The following NF1 variants were observed in gnomAD, a reference collection of about 807,000 sequenced individuals.
NF1 encodes neurofibromin.
NF1 carries 122 observed loss-of-function variants against 325.7 expected under a neutral mutation model. The ratio of observed to expected loss-of-function variants is 0.37; its 90% CI spans 0.32 to 0.44. The LOEUF is 0.44. Ranked by LOEUF, NF1 falls within the 20% of genes least tolerant of loss-of-function variation. NF1 has a pLI of 1.00. For synonymous variants in NF1, 1,091 were observed against 1,186.0 expected (o/e 0.92, Z 1.65); for missense variants, 2,140 against 3,415.4 (o/e 0.63, Z 9.31).
intron 5 of NF1, among the ~76,000 whole-genome samples, chr17:31,176,443 C>T (rs938238967): frequency 2.0e-5 from 3 of 152,126 alleles, no homozygotes; most frequent in Non-Finnish European, 2.9e-5. Context: ...AAAATTTTCT[C>T]CCATTCTGTA....
At chr17:31,244,782 A>G in intron 29 of NF1, among the ~76,000 whole-genome samples, 1 of 152,120 alleles carries the variant, frequency 6.6e-6, no homozygotes, top group Non-Finnish European at 1.5e-5. Flanking sequence ...TATTGTGATC[A>G]CTTACCTGAT....
chr17:31,304,206 TA>T (rs1205313195), intron 36 of NF1: 4 of 1,484,352 alleles, frequency 2.7e-6, no homozygotes, highest in Non-Finnish European at 3.6e-6. Flanking sequence ...TGTTAACATA[TA>T]AAGAAAAAAG....
At chr17:31,334,300 A>G (rs2069584569) in intron 39 of NF1, among the ~76,000 whole-genome samples, 1 of 152,174 alleles carries the variant, frequency 6.6e-6, no homozygotes, top group South Asian at 2.1e-4. Context: ...CATCTCAAAA[A>G]AAAAAAAAAT....
rs2067660684 is a variant in NF1 at position 31,260,299 on chromosome 17, T to A, written c.4431-70T>A. ...AGTTACTTCACAAAGTTACTTCTTA[T>A]AAATTTAATTCAAACATAAGTCTGG... is the stretch of plus-strand genomic sequence containing the variant. On this transcript the variant is annotated intron_variant, in intron 33 of 57. Coordinates refer to ENST00000358273, the MANE Select transcript of NF1 (RefSeq NM_001042492.3). The A allele has an allele frequency of 3.3e-6, 5 of 1,501,060 alleles. No individual in the cohort carries two copies. The Admixed American group carries it at 6.7e-5, about 20-fold the overall frequency. 93.0% of individuals were successfully genotyped at this position (1,501,060 alleles called of 1,614,324 possible).
chr17:31,159,213 T>C (rs2065720931), intron 3 of NF1, 120 bp downstream of exon 3: 4 of 722,010 alleles, frequency 5.5e-6, no homozygotes, highest in Middle Eastern at 2.4e-4. Flanking sequence ...CTGAGACATA[T>C]AAATATGAGT....
intron 1 of NF1, among the ~76,000 whole-genome samples, chr17:31,097,658 T>C (rs1393214430): frequency 4.6e-5 from 7 of 152,112 alleles, no homozygotes; most frequent in African/African-American, 1.7e-4. Context: ...CTGCATTCCT[T>C]ATGTTGTAAT....
At chr17:31,319,985 G>A (rs2854305) in intron 36 of NF1, among the ~76,000 whole-genome samples, 76,066 of 151,832 alleles carry the variant, frequency 0.5, 20,824 homozygotes, top group Non-Finnish European at 0.62. Flanking sequence ...TTGAATTTCC[G>A]CTTTGGCCCT....
chr17:31,318,579 A>G, intron 36 of NF1: 1 of 1,614,076 alleles, frequency 6.2e-7, no homozygotes, highest in Non-Finnish European at 8.5e-7. Flanking sequence ...AGATAAGAAA[A>G]AGCACTGCAA....
At chr17:31,239,276 A>G (rs1361784647) in intron 29 of NF1, among the ~76,000 whole-genome samples, 2 of 152,248 alleles carry the variant, frequency 1.3e-5, no homozygotes, top group Non-Finnish European at 2.9e-5. Flanking sequence ...AAAAAGCTGT[A>G]ACAGGGAGAA....
intron 36 of NF1, among the ~76,000 whole-genome samples, chr17:31,287,508 A>C (rs1302559785): frequency 6.6e-6 from 1 of 150,744 alleles, no homozygotes; most frequent in Non-Finnish European, 1.5e-5. Context: ...GTGCGTATGT[A>C]TGTTTAATTT....
intron 36 of NF1, among the ~76,000 whole-genome samples, chr17:31,275,220 A>G (rs1175763930): frequency 6.6e-6 from 1 of 152,194 alleles, no homozygotes; most frequent in East Asian, 1.9e-4. Flanking sequence ...TTCACTTTCC[A>G]TAGTTTCAGT....
intron 36 of NF1, chr17:31,304,863 G>T: frequency 6.2e-7 from 1 of 1,613,726 alleles, no homozygotes; most frequent in Non-Finnish European, 8.5e-7. Context: ...AAATGTCAGG[G>T]GTTTCTCCAT....
intron 29 of NF1, among the ~76,000 whole-genome samples, chr17:31,242,578 G>A (rs1251035659): frequency 2.0e-5 from 3 of 151,996 alleles, no homozygotes; most frequent in Non-Finnish European, 4.4e-5. Context: ...AGAGACTCTT[G>A]ATGCATATTT....
In NF1 at chr17:31,327,519, A is replaced by G. The variant is rs199703296; in HGVS notation, c.5289A>G (p.Gln1763=). Reference sequence around the variant, plus strand: ...TCCAGGTTGGTTCTACTGCTGTCCAAGTAACTTCAGCAGAGCGAACAAAAG... The same window carrying G: ...TCCAGGTTGGTTCTACTGCTGTCCAGGTAACTTCAGCAGAGCGAACAAAAG... The part of the protein sequence containing the change: ...VSIKVGSTAV[Q]VTSAERTKVL... Residue 1763 remains glutamine, a synonymous_variant, in exon 38 of 58, where the codon CAA becomes CAG. Coordinates refer to ENST00000358273, the MANE Select transcript of NF1 (RefSeq NM_001042492.3). 15 of 1,613,748 alleles carry G rather than the reference A, an allele frequency of 9.3e-6. No homozygotes were observed. Among genetic ancestry groups the G allele is most frequent in the East Asian group, 4.5e-5 (2 of 44,878 alleles).
At chr17:31,299,301 G>T (rs1389250064) in intron 36 of NF1, among the ~76,000 whole-genome samples, 1 of 129,656 alleles carries the variant, frequency 7.7e-6, no homozygotes, top group African/African-American at 3.4e-5. Context: ...ATAAATAAAA[G>T]AAATTCTCAT....
chr17:31,355,768 T>G (rs1164706720), intron 51 of NF1: 2 of 152,414 alleles, frequency 1.3e-5, no homozygotes, highest in Non-Finnish European at 1.5e-5. Context: ...GAGGATCACC[T>G]GAGCCCAGGA....
chr17:31,096,131 T>TTC (rs1911691098), intron 1 of NF1, among the ~76,000 whole-genome samples: 1 of 140,406 alleles, frequency 7.1e-6, no homozygotes, highest in African/African-American at 2.7e-5. Context: ...TGCAGTCTCT[T>TTC]CCCCCCCCCC....
intron 1 of NF1, among the ~76,000 whole-genome samples, chr17:31,108,260 G>T: frequency 7.8e-6 from 1 of 128,006 alleles, no homozygotes; most frequent in Non-Finnish European, 1.6e-5. Context: ...TAAAAGTAGA[G>T]AGTTTTTTTT....
chr17:31,324,068 T>G (rs901816292), intron 36 of NF1, among the ~76,000 whole-genome samples: 3 of 152,010 alleles, frequency 2.0e-5, no homozygotes, highest in East Asian at 1.9e-4. Context: ...ATTTTTTTGG[T>G]TTTTTTTGTT....
Sources: gnomAD v4.1 joint callset for allele counts (sites outside exome capture counted in the v4.1 genomes callset) on GRCh38, gnomAD v4.1.1 for gene constraint, MANE v1.5 for transcripts, NCBI Gene and HGNC (gene_info 2026-07-23, HGNC 2026-07-21) for gene names.